GLG1: variants seen among roughly 807,000 people sequenced by gnomAD.
GLG1 encodes the protein Golgi apparatus protein 1.
A neutral mutation model predicts 160.5 loss-of-function variants in GLG1; 38 were observed. That is an observed-to-expected ratio of 0.24 (90% CI 0.18 to 0.31). GLG1 has a LOEUF of 0.31. GLG1 is among the 10% of genes least tolerant of loss of function. GLG1 has a pLI of 1.00. For missense variants in GLG1, 1,373 were observed against 1,505.2 expected, an observed-to-expected ratio of 0.91 and a Z score of 1.45; for synonymous variants, 644 against 543.4, an observed-to-expected ratio of 1.19 and a Z score of -2.57.
chr16:74,492,062 T>G (rs2143384000), intron 7 of GLG1, among the ~76,000 whole-genome samples: 1 of 151,970 alleles, frequency 6.6e-6, no homozygotes, highest in African/African-American at 2.4e-5. Context: ...ACCCTGAGTC[T>G]CCTCAAAATG....
rs758845494 is a variant in GLG1 at position 74,462,556 on chromosome 16, T to C, written c.2866A>G (p.Lys956Glu). ...TCTAATTCTGAATCATCCTTGGCCT[T>C]AGTCAGGATACCGTGACAGAATTTA... is the stretch of plus-strand genomic sequence containing the variant. Reference protein sequence around the residue: ...IPKFCHGILTKAKDDSELEGQ... With the variant: ...IPKFCHGILTEAKDDSELEGQ... The change falls in exon 21 of 26, where the codon AAG becomes GAG. Residue 956 changes from lysine to glutamate, a missense_variant. Coordinates refer to ENST00000422840, the MANE Select transcript of GLG1 (RefSeq NM_001145667.2). 9 of 1,613,498 alleles carry C rather than the reference T, an allele frequency of 5.6e-6. No homozygotes were observed. In the South Asian group the frequency reaches 8.8e-5, roughly 16 times the overall value.
rs550176067 is a variant in GLG1, at chr16:74,602,448, T to A, written c.438+4209A>T. 4.6e-5 allele frequency among the ~76,000 whole-genome samples: 7 copies of A among 152,318 alleles called. No individual in the cohort carries two copies. In the South Asian group the frequency reaches 1.4e-3, roughly 32 times the overall value. On this transcript the variant is annotated intron_variant, in intron 1 of 25. Coordinates refer to ENST00000422840, the MANE Select transcript of GLG1 (RefSeq NM_001145667.2). ...TATTTGAAATGACAGTATCTGGGAT[T>A]TGCTTTTAAATATGCCAGCCTCCCA...
intron 4 of GLG1, among the ~76,000 whole-genome samples, chr16:74,498,538 A>T (rs2016295545): frequency 7.0e-6 from 1 of 142,216 alleles, no homozygotes; most frequent in African/African-American, 2.6e-5. Flanking sequence ...TTGTTATAAT[A>T]AAATACCTAT....
chr16:74,533,427 T>C (rs561532535), intron 1 of GLG1, among the ~76,000 whole-genome samples: 36 of 152,350 alleles, frequency 2.4e-4, no homozygotes, highest in Admixed American at 1.6e-3. Flanking sequence ...ATAACTCCTT[T>C]AGTTTCCTTG....
At chr16:74,579,868 T>C (rs1261134839) in intron 1 of GLG1, among the ~76,000 whole-genome samples, 1 of 150,382 alleles carries the variant, frequency 6.6e-6, no homozygotes, top group Non-Finnish European at 1.5e-5. Context: ...ATAGAGACCA[T>C]CCTGGCCAAC....
chr16:74,482,027 C>A (rs551078239), intron 10 of GLG1, among the ~76,000 whole-genome samples: 5 of 152,222 alleles, frequency 3.3e-5, no homozygotes, highest in African/African-American at 1.2e-4. Context: ...TGCCCTTGTT[C>A]TCCTCCCACC....
chr16:74,459,244 C>T (rs1258224177), intron 23 of GLG1, among the ~76,000 whole-genome samples: 1 of 152,060 alleles, frequency 6.6e-6, no homozygotes, highest in African/African-American at 2.4e-5. Flanking sequence ...TTTGGAAGGC[C>T]GAGGCGGGTG....
intron 19 of GLG1, among the ~76,000 whole-genome samples, chr16:74,465,096 C>T (rs977621994): frequency 3.9e-5 from 6 of 152,178 alleles, no homozygotes; most frequent in African/African-American, 1.4e-4. Context: ...GCCTTGGCCT[C>T]TGAAAGTGCT....
At chr16:74,466,955 G>C (rs1455315275) in intron 18 of GLG1, among the ~76,000 whole-genome samples, 1 of 152,210 alleles carries the variant, frequency 6.6e-6, no homozygotes, top group East Asian at 1.9e-4. Context: ...GTATGTGAAA[G>C]AGCAATGACT....
At chr16:74,533,343 A>G (rs576726035) in intron 1 of GLG1, among the ~76,000 whole-genome samples, 5 of 152,202 alleles carry the variant, frequency 3.3e-5, no homozygotes, top group Non-Finnish European at 7.4e-5. Context: ...ACAAAACAAA[A>G]CAAAACTTTC....
intron 1 of GLG1, among the ~76,000 whole-genome samples, chr16:74,535,320 A>C (rs1352408065): frequency 6.6e-6 from 1 of 152,286 alleles, no homozygotes; most frequent in Admixed American, 6.5e-5. Flanking sequence ...TCATGAAGAA[A>C]TGACATAATC....
In GLG1 at chr16:74,606,747, C is replaced by T; in HGVS notation, c.348G>A (p.Glu116=). 2.5e-6 allele frequency: 4 copies of T among 1,613,402 alleles called. No individual in the cohort carries two copies. Among genetic ancestry groups the T allele is most frequent in the Non-Finnish European group, 3.4e-6 (4 of 1,179,578 alleles). ...CGCGGGTCACGTCCTCCCTGCAGGA[C>T]TCTTCCTCCGCCAGCTTCCAGCCCC... The part of the protein sequence containing the change: ...AGGGWKLAEE[E]SCREDVTRVC... The change falls in exon 1 of 26, where the codon GAG becomes GAA. Residue 116 remains glutamate, a synonymous_variant. Transcript: ENST00000422840.
chr16:74,492,817 T>A, intron 7 of GLG1, 140 bp downstream of exon 7: 1 of 496,496 alleles, frequency 2.0e-6, no homozygotes, highest in Non-Finnish European at 3.3e-6. Flanking sequence ...AGAGACTCCG[T>A]CTCAAGAAAA....
intron 1 of GLG1, among the ~76,000 whole-genome samples, chr16:74,606,106 G>T (rs983735785): frequency 2.4e-4 from 37 of 152,190 alleles, no homozygotes; most frequent in Admixed American, 2.0e-3. Context: ...GTCACTGGGA[G>T]TTAACAGCTT....
At position 74,572,373 on chromosome 16, in the gene GLG1, T is replaced by C. The variant is rs2018853669; in HGVS notation, c.438+34284A>G. Among the ~76,000 whole-genome samples, 3 of 152,022 alleles carry C rather than the reference T, an allele frequency of 2.0e-5. No homozygotes were observed. The South Asian group carries it at 6.2e-4, about 32-fold the overall frequency. ...CAAAGATATAAAATTTAGCTGGGCATGGTGACACCCACCTGTAATCCCAGC... is the reference window on the plus strand; with the variant it reads ...CAAAGATATAAAATTTAGCTGGGCACGGTGACACCCACCTGTAATCCCAGC... On this transcript the variant is annotated intron_variant, in intron 1 of 25. Transcript: ENST00000422840.
At chr16:74,502,290 G>A (rs115762805) in intron 4 of GLG1, among the ~76,000 whole-genome samples, 1 of 152,180 alleles carries the variant, frequency 6.6e-6, no homozygotes, top group African/African-American at 2.4e-5. Flanking sequence ...AATAAACCTG[G>A]CCAGATCTCT....
intron 1 of GLG1, among the ~76,000 whole-genome samples, chr16:74,566,022 G>T (rs1327690687): frequency 6.6e-6 from 1 of 152,172 alleles, no homozygotes; most frequent in Non-Finnish European, 1.5e-5. Context: ...CTCAATTTGG[G>T]TTTGTGTGAC....
chr16:74,546,294 C>G (rs1479321357), intron 1 of GLG1, among the ~76,000 whole-genome samples: 1 of 152,010 alleles, frequency 6.6e-6, no homozygotes, highest in African/African-American at 2.4e-5. Context: ...CAAAAGTTAG[C>G]CAGGTGTGGT....
At chr16:74,577,460 T>C (rs187357031) in intron 1 of GLG1, among the ~76,000 whole-genome samples, 3 of 142,570 alleles carry the variant, frequency 2.1e-5, no homozygotes, top group Non-Finnish European at 4.5e-5. Flanking sequence ...AGGCAGAAAG[T>C]GCAGTGAACA....
Sources: gnomAD v4.1 joint callset for allele counts (sites outside exome capture counted in the v4.1 genomes callset) on GRCh38, gnomAD v4.1.1 for gene constraint, MANE v1.5 for transcripts, NCBI Gene and HGNC (gene_info 2026-07-23, HGNC 2026-07-21) for gene names.